The following UACA variants were observed in gnomAD, a reference collection of about 807,000 sequenced individuals.
The protein encoded by UACA is uveal autoantigen with coiled-coil domains and ankyrin repeats.
In UACA, 112 loss-of-function variants were observed where a neutral mutation model predicts 160.5. The observed-to-expected ratio is 0.70, with a 90% confidence interval of 0.60 to 0.82. UACA has a LOEUF of 0.82. Among genes scored for constraint, UACA ranks in the 40% least tolerant of loss-of-function variants. UACA has a pLI of 0.00. For synonymous variants in UACA, 557 were observed against 568.4 expected, an observed-to-expected ratio of 0.98 and a Z score of 0.29; for missense variants, 1,574 against 1,614.6, an observed-to-expected ratio of 0.97 and a Z score of 0.43.
intron 1 of UACA, among the ~76,000 whole-genome samples, chr15:70,718,219 C>T (rs984090867): frequency 1.5e-5 from 2 of 136,158 alleles, no homozygotes; most frequent in African/African-American, 2.8e-5. Context: ...TCTCCTGCTT[C>T]CTTACAAGGT....
chr15:70,738,698 T>C (rs1432478866), intron 1 of UACA, among the ~76,000 whole-genome samples: 1 of 152,206 alleles, frequency 6.6e-6, no homozygotes, highest in Non-Finnish European at 1.5e-5. Flanking sequence ...CTGGAATTAT[T>C]ATTTATTAGA....
chr15:70,667,420 C>G lies in UACA; in HGVS notation c.3264G>C (p.Lys1088Asn). 6.2e-7 allele frequency: 1 copy of G among 1,610,714 alleles called. No individual in the cohort carries two copies. Among genetic ancestry groups the G allele is most frequent in the Non-Finnish European group, 8.5e-7 (1 of 1,179,744 alleles). ...KYTEVKNVKE[K>N]LVEENAKQTS... ...TCTGTTTGGCATTTTCTTCTACTAG[C>G]TTCTCTTTCACATTCTTTACTTCCG... The change falls in exon 16 of 19, where the codon AAG becomes AAC. Residue 1088 changes from lysine to asparagine, a missense_variant. Transcript: ENST00000322954.
chr15:70,741,401 C>A (rs1045340393), intron 1 of UACA, among the ~76,000 whole-genome samples: 1 of 152,102 alleles, frequency 6.6e-6, no homozygotes, highest in Non-Finnish European at 1.5e-5. Context: ...CTGTTTGATA[C>A]ATGTGCTAGT....
At chr15:70,753,261 C>T (rs897808048) in intron 1 of UACA, among the ~76,000 whole-genome samples, 12 of 152,092 alleles carry the variant, frequency 7.9e-5, no homozygotes, top group Admixed American at 6.5e-4. Context: ...CCCTGGAAAT[C>T]AAAAACATGG....
chr15:70,658,000 T>G (rs1353185304), intron 18 of UACA, among the ~76,000 whole-genome samples: 1 of 151,418 alleles, frequency 6.6e-6, no homozygotes, highest in East Asian at 2.0e-4. Context: ...TGAGGGAGGA[T>G]GATCACTTGA....
At chr15:70,697,955 C>T (rs1394041627) in intron 2 of UACA, among the ~76,000 whole-genome samples, 4 of 152,082 alleles carry the variant, frequency 2.6e-5, no homozygotes, top group Non-Finnish European at 5.9e-5. Flanking sequence ...GAGGCTGAGG[C>T]AGGAGAATCG....
chr15:70,713,586 A>C (rs573668938), intron 1 of UACA, among the ~76,000 whole-genome samples: 22 of 152,278 alleles, frequency 1.4e-4, no homozygotes, highest in African/African-American at 5.3e-4. Flanking sequence ...GATCTATAAT[A>C]TGGGATTCCT....
At chr15:70,773,987 A>G in the UACA span, among the ~76,000 whole-genome samples, 1 of 152,196 alleles carries the variant, frequency 6.6e-6, no homozygotes, top group African/African-American at 2.4e-5. Context: ...CCTAAGCTAT[A>G]GAAGGATTGG....
chr15:70,736,857 G>A (rs1024099236), intron 1 of UACA, among the ~76,000 whole-genome samples: 2 of 152,156 alleles, frequency 1.3e-5, no homozygotes, highest in Admixed American at 1.3e-4. Context: ...TATTCTAATT[G>A]TAGTAAATAA....
chr15:70,658,989 T>C (rs1896581011), intron 18 of UACA, among the ~76,000 whole-genome samples: 1 of 152,176 alleles, frequency 6.6e-6, no homozygotes, highest in South Asian at 2.1e-4. Context: ...GAAAGGCTTG[T>C]TAGTTTGCTG....
At chr15:70,743,637 G>C (rs955500080) in intron 1 of UACA, among the ~76,000 whole-genome samples, 2 of 152,100 alleles carry the variant, frequency 1.3e-5, no homozygotes, top group African/African-American at 4.8e-5. Context: ...AAATCAAAAA[G>C]GGTGCTGAAG....
rs1474868181 is a variant in UACA at position 70,763,346 on chromosome 15, G to A, written c.62C>T (p.Ala21Val). The A allele has an allele frequency of 1.5e-6, 2 of 1,334,564 alleles. No individual in the cohort carries two copies. The highest frequency in any genetic ancestry group is 1.9e-6 in the Non-Finnish European group (2 of 1,037,368). 82.7% of individuals were successfully genotyped at this position (1,334,564 alleles called of 1,614,324 possible). A position where few individuals can be genotyped will look rare whatever the true frequency, so the allele number is the denominator to read the frequency against. The change falls in exon 1 of 19, where the codon GCC becomes GTC. Residue 21 changes from alanine (A) to valine (V), a missense_variant. Ala to Val is a moderately conservative substitution (Grantham distance 64, BLOSUM62 0). Transcript: ENST00000322954. The part of the protein sequence containing the change: ...QDVPGPASSG[A>V]AAASAHAADW... ...GGGACTCACCGCGCTGGCGGCGGCGGCGCCAGACGACGCGGGGCCGGGCAC... is the reference window on the plus strand; with the variant it reads ...GGGACTCACCGCGCTGGCGGCGGCGACGCCAGACGACGCGGGGCCGGGCAC...
chr15:70,673,814 T>A (rs1263445583), intron 13 of UACA, among the ~76,000 whole-genome samples: 4 of 152,200 alleles, frequency 2.6e-5, no homozygotes, highest in Admixed American at 2.0e-4. Flanking sequence ...AATACAGCAG[T>A]AGATATTCAA....
At chr15:70,659,836 G>A (rs1896638932) in intron 18 of UACA, among the ~76,000 whole-genome samples, 1 of 151,960 alleles carries the variant, frequency 6.6e-6, no homozygotes, top group Admixed American at 6.6e-5. Flanking sequence ...ACAGCCACAC[G>A]TGGATGTCAA....
intron 17 of UACA, 61 bp downstream of exon 17, chr15:70,664,601 C>A: frequency 6.5e-7 from 1 of 1,527,176 alleles, no homozygotes; most frequent in Non-Finnish European, 8.8e-7. Flanking sequence ...ATGAGCCTTA[C>A]AAACTAACTA....
intron 18 of UACA, among the ~76,000 whole-genome samples, chr15:70,659,436 G>C (rs1249507959): frequency 5.2e-5 from 1 of 19,282 alleles, no homozygotes; most frequent in Non-Finnish European, 1.2e-4. Flanking sequence ...TGTTTTTACA[G>C]TGTGGCCTAA....
At chr15:70,736,143 T>C (rs1899358348) in intron 1 of UACA, among the ~76,000 whole-genome samples, 1 of 152,234 alleles carries the variant, frequency 6.6e-6, no homozygotes, top group South Asian at 2.1e-4. Flanking sequence ...AACTGAAAGT[T>C]AATGGCCAGA....
At chr15:70,716,914 A>G (rs1485305070) in intron 1 of UACA, among the ~76,000 whole-genome samples, 1 of 152,210 alleles carries the variant, frequency 6.6e-6, no homozygotes. Context: ...TTATTAATAA[A>G]TTTGTGGCTT....
intron 1 of UACA, among the ~76,000 whole-genome samples, chr15:70,727,767 A>T (rs1763447701): frequency 6.6e-6 from 1 of 152,234 alleles, no homozygotes; most frequent in Non-Finnish European, 1.5e-5. Flanking sequence ...ACTTCTACTT[A>T]ATATAGCCAG....
Sources: allele counts gnomAD v4.1 joint callset (sites outside exome capture counted in the v4.1 genomes callset), GRCh38; gene constraint gnomAD v4.1.1; transcripts MANE v1.5; gene names NCBI Gene and HGNC (gene_info 2026-07-23, HGNC 2026-07-21).